Variants in NAV3 observed in about 807,000 individuals in gnomAD.
NAV3 encodes the protein pore membrane and/or filament interacting like protein 1.
NAV3 carries 87 observed loss-of-function variants against 244.7 expected under a neutral mutation model. The observed-to-expected ratio is 0.36, with a 90% CI of 0.30 to 0.42. The LOEUF is 0.42. Among genes scored for constraint, NAV3 ranks in the 20% least tolerant of loss-of-function variants. The pLI, the probability that NAV3 is intolerant of heterozygous loss-of-function variation, is 1.00. For missense variants in NAV3, 2,663 were observed against 2,893.3 expected (o/e 0.92, Z 1.83); for synonymous variants, 1,126 against 1,042.2 (o/e 1.08, Z -1.55).
chr12:77,726,326 T>C (rs540469086), intron 2 of NAV3, among the ~76,000 whole-genome samples: 157 of 152,124 alleles, frequency 1.0e-3, no homozygotes, highest in African/African-American at 3.7e-3. Context: ...ACCATCATTT[T>C]CCTACCCATT....
At chr12:78,184,828 G>A (rs151231667) in intron 30 of NAV3, among the ~76,000 whole-genome samples, 12 of 151,758 alleles carry the variant, frequency 7.9e-5, no homozygotes, top group Non-Finnish European at 1.3e-4. Flanking sequence ...TTCTATGATA[G>A]TATTATTATT....
intron 2 of NAV3, among the ~76,000 whole-genome samples, chr12:77,616,757 T>C: frequency 6.6e-6 from 1 of 150,784 alleles, no homozygotes; most frequent in Non-Finnish European, 1.5e-5. Context: ...CACACACGAT[T>C]ATGTATTAAA....
intron 2 of NAV3, among the ~76,000 whole-genome samples, chr12:77,673,545 T>G (rs997854131): frequency 1.9e-4 from 29 of 152,118 alleles, no homozygotes; most frequent in African/African-American, 6.8e-4. Context: ...TTTTGATAAA[T>G]ATGAAAGATG....
At chr12:78,098,024 T>C (rs940831814) in intron 12 of NAV3, among the ~76,000 whole-genome samples, 19 of 152,116 alleles carry the variant, frequency 1.2e-4, no homozygotes, top group African/African-American at 3.1e-4. Flanking sequence ...TTCTCAGATA[T>C]CCAAAAAACA....
At chr12:77,750,371 A>G (rs567537136) in intron 2 of NAV3, among the ~76,000 whole-genome samples, 2 of 151,998 alleles carry the variant, frequency 1.3e-5, no homozygotes, top group African/African-American at 4.8e-5. Context: ...AACAACAAAA[A>G]TACAAGAACA....
chr12:77,734,579 A>T (rs1291293960), intron 2 of NAV3, among the ~76,000 whole-genome samples: 1 of 152,182 alleles, frequency 6.6e-6, no homozygotes, highest in Non-Finnish European at 1.5e-5. Flanking sequence ...GTAATTTTAC[A>T]GCCTGAGCAG....
intron 2 of NAV3, among the ~76,000 whole-genome samples, chr12:77,769,588 T>C (rs892683953): frequency 3.9e-5 from 6 of 152,254 alleles, no homozygotes; most frequent in African/African-American, 1.4e-4. Flanking sequence ...GATACAATTC[T>C]GTGTAACACA....
At chr12:77,708,591 G>T (rs1360841050) in intron 2 of NAV3, among the ~76,000 whole-genome samples, 1 of 152,024 alleles carries the variant, frequency 6.6e-6, no homozygotes, top group African/African-American at 2.4e-5. Flanking sequence ...TTCCAATTCT[G>T]TGAAGAAGGT....
chr12:78,132,783 A>C (rs1386164663), intron 18 of NAV3, among the ~76,000 whole-genome samples: 1 of 152,096 alleles, frequency 6.6e-6, no homozygotes, highest in East Asian at 1.9e-4. Context: ...TTTCAGCTCT[A>C]AAACTAAAAT....
chr12:77,772,769 A>G (rs1262667449), intron 2 of NAV3, among the ~76,000 whole-genome samples: 1 of 152,166 alleles, frequency 6.6e-6, no homozygotes, highest in Non-Finnish European at 1.5e-5. Flanking sequence ...TTGAATTTTT[A>G]CTGCGGTTTA....
At chr12:77,817,098 G>T (rs1047076359) in intron 2 of NAV3, among the ~76,000 whole-genome samples, 19 of 152,188 alleles carry the variant, frequency 1.2e-4, no homozygotes, top group African/African-American at 4.6e-4. Flanking sequence ...ATCTTCTGGT[G>T]GATATCTGTT....
Position 78,122,268 on chromosome 12 carries a change from A to G in NAV3, c.4078A>G (p.Thr1360Ala), listed in dbSNP as rs1593675752. The change falls in exon 16 of 40, where the codon ACT becomes GCT. Residue 1360 changes from threonine (T) to alanine (A), a missense_variant. Thr to Ala is a moderately conservative substitution (Grantham distance 58). Around this residue, in one of 6 missense-constraint regions of NAV3, gnomAD observed 354 missense variants for 413.0 expected, o/e 0.86. Coordinates refer to ENST00000397909, the MANE Select transcript of NAV3 (RefSeq NM_001024383.2). ...CAGTTCCTCTGCAGGCAGCAAGGAT[A>G]CTCCGAGCTACCAGTCCATGACTAG... ...MSSSSAGSKD[T>A]PSYQSMTSLH... is the part of the protein sequence containing the mutation. 6.2e-7 allele frequency: 1 copy of G among 1,613,876 alleles called. No individual in the cohort carries two copies. Among genetic ancestry groups the G allele is most frequent in the Non-Finnish European group, 8.5e-7 (1 of 1,179,978 alleles).
intron 5 of NAV3, among the ~76,000 whole-genome samples, chr12:77,969,702 A>G (rs1336076874): frequency 6.6e-6 from 1 of 152,082 alleles, no homozygotes. Context: ...AAAAGCAGCC[A>G]GGTGTGGTGA....
chr12:78,070,718 A>C (rs1952717108), intron 12 of NAV3, among the ~76,000 whole-genome samples: 2 of 105,252 alleles, frequency 1.9e-5, no homozygotes, highest in East Asian at 3.4e-4. Context: ...CCACCCCACA[A>C]CAGTCCCCAG....
intron 1 of NAV3, among the ~76,000 whole-genome samples, chr12:77,899,865 G>T (rs188013045): frequency 4.0e-5 from 6 of 151,840 alleles, no homozygotes; most frequent in African/African-American, 1.5e-4. Context: ...TCCTTAATGC[G>T]CTAGCACTTT....
intron 5 of NAV3, among the ~76,000 whole-genome samples, chr12:77,979,861 A>G (rs964668178): frequency 2.6e-5 from 4 of 152,114 alleles, no homozygotes; most frequent in African/African-American, 9.7e-5. Flanking sequence ...TGTGTGCTAC[A>G]CAGAAAGCCA....
chr12:77,806,701 G>A (rs145537042), intron 2 of NAV3, among the ~76,000 whole-genome samples: 63 of 152,274 alleles, frequency 4.1e-4, no homozygotes, highest in African/African-American at 1.5e-3. Flanking sequence ...CCAGAGCTGA[G>A]TTCAAGTCCT....
At chr12:77,626,934 A>C (rs1342000861) in intron 2 of NAV3, among the ~76,000 whole-genome samples, 5 of 152,182 alleles carry the variant, frequency 3.3e-5, no homozygotes, top group Non-Finnish European at 7.4e-5. Flanking sequence ...ATATCACTAC[A>C]TAAACATACC....
intron 1 of NAV3, among the ~76,000 whole-genome samples, chr12:77,855,105 T>C (rs956070222): frequency 3.9e-5 from 6 of 152,108 alleles, no homozygotes; most frequent in Non-Finnish European, 7.4e-5. Flanking sequence ...CCAGCCTGGG[T>C]GACAGAGCGA....
Sources: gnomAD v4.1 joint callset for allele counts (sites outside exome capture counted in the v4.1 genomes callset) on GRCh38, gnomAD v4.1.1 for gene constraint, gnomAD v4.1.1 regional missense constraint, MANE v1.5 for transcripts, NCBI Gene and HGNC (gene_info 2026-07-23, HGNC 2026-07-21) for gene names.